VWF: variants seen among roughly 807,000 people sequenced by gnomAD.
The protein encoded by VWF is Factor VIII related antigen.
In VWF, 176 loss-of-function variants were observed where a neutral mutation model predicts 308.6. That is an observed-to-expected ratio of 0.57 (90% CI 0.50 to 0.65). The LOEUF is 0.65. Among genes scored for constraint, VWF ranks in the 30% least tolerant of loss-of-function variants. The probability of loss-of-function intolerance (pLI) is 0.00; values close to 1 mark genes in which losing one functional copy is unlikely to be tolerated. For synonymous variants in VWF, 1,385 were observed against 1,443.4 expected (o/e 0.96, Z 0.92); for missense variants, 3,146 against 3,648.2 (o/e 0.86, Z 3.55).
At chr12:6,062,618 G>A (rs1443680630) in intron 13 of VWF, among the ~76,000 whole-genome samples, 3 of 152,106 alleles carry the variant, frequency 2.0e-5, no homozygotes, top group Non-Finnish European at 2.9e-5. Flanking sequence ...GCCCACAGTG[G>A]GCACCCAGGG....
At position 6,024,600 on chromosome 12, in the gene VWF, T is replaced by C. The variant is rs1449336158; in HGVS notation, c.3223-813A>G. Among the ~76,000 whole-genome samples, 11 of 152,350 alleles carry C rather than the reference T, an allele frequency of 7.2e-5. No homozygotes were observed. The highest frequency in any genetic ancestry group is 3.4e-3 in the Middle Eastern group (1 of 294). On this transcript the variant is annotated intron_variant, in intron 24 of 51. Coordinates refer to ENST00000261405, the MANE Select transcript of VWF (RefSeq NM_000552.5). This position sits in a 1 kb window ranked among gnomAD's most constrained non-coding sequence, Gnocchi z 4.0. ...ATGTTTTCAACCAGTCTCTCCCACA[T>C]TGGTGGTGTTACACAGCAGCATGTA...
At chr12:5,981,581 C>G (rs1304549543) in intron 42 of VWF, among the ~76,000 whole-genome samples, 1 of 152,108 alleles carries the variant, frequency 6.6e-6, no homozygotes, top group African/African-American at 2.4e-5. Flanking sequence ...CTGACTGCCC[C>G]CCAACCAAGC....
At chr12:6,123,263 T>C (rs1945450993) in intron 1 of VWF, 67 bp from the exon 2 acceptor site, 1 of 1,557,046 alleles carries the variant, frequency 6.4e-7, no homozygotes, top group Non-Finnish European at 8.9e-7. Context: ...GTGTGGCGAC[T>C]ATCAGGGCAT....
At chr12:5,953,733 A>T (rs576599207) in intron 47 of VWF, 139 bp from the exon 48 acceptor site, 32 of 720,190 alleles carry the variant, frequency 4.4e-5, no homozygotes, top group Admixed American at 8.0e-5. Flanking sequence ...ATCCAACTCC[A>T]ACCAGCTTTT....
chr12:5,962,246 G>T (rs1943327353), intron 47 of VWF, among the ~76,000 whole-genome samples: 1 of 152,140 alleles, frequency 6.6e-6, no homozygotes. Context: ...ACTCAACCTT[G>T]TCTAGACATC....
chr12:6,075,685 A>C lies in VWF; in HGVS notation c.658-134T>G. The stretch of plus-strand genomic sequence containing the variant: ...GGACAGGCTGGCACCAAGCACATGC[A>C]TGTGTTCAATGCACCAGCCCATCGA... On this transcript the variant is annotated intron_variant, in intron 6 of 51. Coordinates refer to ENST00000261405, the MANE Select transcript of VWF (RefSeq NM_000552.5). This position sits in a 1 kb window ranked among gnomAD's most constrained non-coding sequence, Gnocchi z 4.7. 1 of 894,014 alleles carries C rather than the reference A, an allele frequency of 1.1e-6. No individual in the cohort carries two copies. Among genetic ancestry groups the C allele is most frequent in the South Asian group, 1.4e-5 (1 of 70,424 alleles). The allele number at this position is 894,014 out of a possible 1,614,324, so 55.4% of individuals were successfully genotyped here. A position where few individuals can be genotyped will look rare whatever the true frequency, so the allele number is the denominator to read the frequency against.
rs745435568 is a variant in VWF, at chr12:6,095,496, G to T, written c.621C>A (p.Ser207Arg). Residue 207 changes from serine to arginine, a missense_variant, in exon 6 of 52, where the codon AGC (serine) becomes AGA (arginine). Coordinates refer to ENST00000261405, the MANE Select transcript of VWF (RefSeq NM_000552.5). The part of the protein sequence containing the change: ...EQWCERASPP[S>R]SSCNISSGEM... ...CCCCAGAGGAGATGTTGCATGAGCTGCTGGGAGGAGATGCCCGTTCACACC... is the reference window on the plus strand; with the variant it reads ...CCCCAGAGGAGATGTTGCATGAGCTTCTGGGAGGAGATGCCCGTTCACACC... 4.3e-6 allele frequency: 7 copies of T among 1,614,140 alleles called. No homozygotes were observed. In the East Asian group the frequency reaches 1.3e-4, roughly 31 times the overall value.
chr12:6,057,759 C>T (rs1222930645), intron 14 of VWF, 90 bp downstream of exon 14: 22 of 1,442,996 alleles, frequency 1.5e-5, no homozygotes, highest in Non-Finnish European at 1.9e-5. Context: ...CCGCCCTCCG[C>T]GGTGGGAGCA....
chr12:5,969,747 A>G (rs1196752470), intron 44 of VWF, among the ~76,000 whole-genome samples: 1 of 152,150 alleles, frequency 6.6e-6, no homozygotes, highest in African/African-American at 2.4e-5. Context: ...AGCTCAACCC[A>G]TTTCCCAGGC....
chr12:6,072,312 G>A lies in VWF; in HGVS notation c.1109+19C>T, dbSNP rs759752032. 8 of 1,610,006 alleles carry A rather than the reference G, an allele frequency of 5.0e-6. No individual in the cohort carries two copies. Among genetic ancestry groups the A allele is most frequent in the Non-Finnish European group, 8.5e-7 (1 of 1,176,674 alleles). On this transcript the variant is annotated intron_variant, in intron 9 of 51. Transcript: ENST00000261405. ...CCCCCAGGCAGGTCTCCCAGAGCAC[G>A]CTGCGCAGCCCCCATTACCAGGTGT...
rs968463577 is a variant in VWF at position 5,969,139 on chromosome 12, A to C, written c.7729+72T>G. On this transcript the variant is annotated intron_variant, in intron 45 of 51. Transcript: ENST00000261405. ...AAGTTGCTAAAAAGGCAAAGAATTC[A>C]GGAGCCAAAAGTGGAAAGAGAGGCT... 2.0e-6 allele frequency: 3 copies of C among 1,535,518 alleles called. No individual in the cohort carries two copies. In the African/African-American group the frequency reaches 4.1e-5, roughly 21 times the overall value.
At chr12:6,007,291 A>G (rs9645765) in intron 34 of VWF, among the ~76,000 whole-genome samples, 11,861 of 152,254 alleles carry the variant, frequency 0.078, 617 homozygotes, top group East Asian at 0.24. Flanking sequence ...TCTCAAACAC[A>G]CATAGAACAG....
chr12:5,985,519 C>A, intron 39 of VWF, 44 bp downstream of exon 39: 1 of 1,593,382 alleles, frequency 6.3e-7, no homozygotes. Context: ...CTTGCAGGGG[C>A]CCTTGTTCCT....
intron 6 of VWF, among the ~76,000 whole-genome samples, chr12:6,091,009 C>T (rs1022766557): frequency 2.6e-5 from 4 of 152,182 alleles, no homozygotes; most frequent in African/African-American, 9.7e-5. Flanking sequence ...TTGTTAGTGC[C>T]GGTACTGGGC....
chr12:5,953,746 C>T, intron 47 of VWF, 152 bp from the exon 48 acceptor site: 1 of 687,212 alleles, frequency 1.5e-6, no homozygotes, highest in South Asian at 1.6e-5. Flanking sequence ...CAGCTTTTGT[C>T]AGTTCTCAGT....
intron 6 of VWF, among the ~76,000 whole-genome samples, chr12:6,092,603 T>TCGTG (rs1565386572): frequency 3.1e-5 from 2 of 65,368 alleles, no homozygotes; most frequent in Non-Finnish European, 6.0e-5. Context: ...CCCAGCTAGT[T>TCGTG]AGTGAGTGAG....
chr12:5,984,699 G>C (rs1159038521), intron 40 of VWF, among the ~76,000 whole-genome samples: 1 of 152,182 alleles, frequency 6.6e-6, no homozygotes, highest in East Asian at 1.9e-4. Context: ...CCCAGTGTGT[G>C]GTCTTCTCTA....
intron 3 of VWF, among the ~76,000 whole-genome samples, chr12:6,114,438 C>A (rs949767169): frequency 1.3e-5 from 2 of 152,188 alleles, no homozygotes; most frequent in African/African-American, 4.8e-5. Flanking sequence ...GCCTGCAAGG[C>A]TGAATAAACC....
At chr12:6,034,908 A>G in intron 19 of VWF, 82 bp from the exon 20 acceptor site, 3 of 1,558,896 alleles carry the variant, frequency 1.9e-6, no homozygotes, top group South Asian at 1.1e-5. Context: ...CAATGAAGGA[A>G]CACAGAATAC....
Sources: allele counts gnomAD v4.1 joint callset (sites outside exome capture counted in the v4.1 genomes callset), GRCh38; gene constraint gnomAD v4.1.1; non-coding constraint Gnocchi (gnomAD v3.1); transcripts MANE v1.5; gene names NCBI Gene and HGNC (gene_info 2026-07-23, HGNC 2026-07-21).